Variants in HTRA3 observed in about 807,000 individuals in gnomAD.
The protein encoded by HTRA3 is serine protease HTRA3.
In HTRA3, 41 loss-of-function variants were observed where a neutral mutation model predicts 43.2. The observed-to-expected ratio is 0.95, with a 90% CI of 0.74 to 1.23. HTRA3 has a LOEUF of 1.23. Ranked by LOEUF, HTRA3 falls within the 50% of genes most tolerant of loss-of-function variation. HTRA3 has a pLI of 0.00. For synonymous variants in HTRA3, 295 were observed against 287.9 expected (o/e 1.02, Z -0.25); for missense variants, 628 against 647.1 (o/e 0.97, Z 0.32).
chr4:8,272,786 G>A (rs926979470), intron 1 of HTRA3, among the ~76,000 whole-genome samples: 10 of 152,320 alleles, frequency 6.6e-5, no homozygotes, highest in Admixed American at 3.3e-4. Context: ...GAGCCCTGTC[G>A]CCACCAGAGC....
At chr4:8,285,990 A>G (rs929324907) in intron 2 of HTRA3, among the ~76,000 whole-genome samples, 3 of 152,216 alleles carry the variant, frequency 2.0e-5, no homozygotes, top group African/African-American at 4.8e-5. Flanking sequence ...GCCTCTGGGG[A>G]GCCTCCCTTC....
At chr4:8,282,077 G>A (rs1192243305) in intron 1 of HTRA3, among the ~76,000 whole-genome samples, 1 of 152,198 alleles carries the variant, frequency 6.6e-6, no homozygotes, top group Non-Finnish European at 1.5e-5. Context: ...CAAGGCCCAG[G>A]GGGACTAACC....
In HTRA3 at chr4:8,295,308, C is replaced by T. The variant is rs888764236; in HGVS notation, c.1051+1107C>T. ...GCCAGGGGAGCAGAGTCCAATACCT[C>T]GTCTTTGGAAGTCACCCTCCTCCAA... On this transcript the variant is annotated intron_variant, in intron 6 of 8. Transcript: ENST00000307358. This position sits in a 1 kb window ranked among gnomAD's most constrained non-coding sequence, Gnocchi z 6.9. 9.2e-5 allele frequency among the ~76,000 whole-genome samples: 14 copies of T among 152,164 alleles called. No individual in the cohort carries two copies. The highest frequency in any genetic ancestry group is 1.2e-4 in the Non-Finnish European group (8 of 68,032).
intron 5 of HTRA3, among the ~76,000 whole-genome samples, chr4:8,293,651 G>C (rs1429381359): frequency 6.6e-6 from 1 of 152,052 alleles, no homozygotes; most frequent in Non-Finnish European, 1.5e-5. Flanking sequence ...GGGATGGGGG[G>C]GTCAAGGAGC....
rs567363929 is a variant in HTRA3 at position 8,275,293 on chromosome 4, C to A, written c.385+4940C>A. Among the ~76,000 whole-genome samples the A allele has an allele frequency of 2.6e-5, 4 of 152,354 alleles. No individual in the cohort carries two copies. The South Asian group carries it at 8.3e-4, about 32-fold the overall frequency. ...AGGCCTCTGCCCTCCCATGCAGCCC[C>A]ACACAGCAGCCTGAAGGGACTTGGC... is the stretch of plus-strand genomic sequence containing the variant. On this transcript the variant is annotated intron_variant, in intron 1 of 8. Transcript: ENST00000307358.
chr4:8,270,849 G>C (rs1712240633), intron 1 of HTRA3, among the ~76,000 whole-genome samples: 2 of 152,224 alleles, frequency 1.3e-5, no homozygotes, highest in Admixed American at 6.5e-5. Context: ...GGGCGCCCCA[G>C]GGAGAGGCTG....
chr4:8,281,855 C>T (rs1348683596), intron 1 of HTRA3, among the ~76,000 whole-genome samples: 2 of 152,214 alleles, frequency 1.3e-5, no homozygotes, highest in Non-Finnish European at 2.9e-5. Context: ...AGATGTAGGG[C>T]CCTGTGGACT....
At chr4:8,299,763 TG>T (rs1713574138) in intron 6 of HTRA3, among the ~76,000 whole-genome samples, 1 of 152,312 alleles carries the variant, frequency 6.6e-6, no homozygotes, top group African/African-American at 2.4e-5. Context: ...TAAATTGCAT[TG>T]GTTGATTTTT....
chr4:8,273,456 T>C lies in HTRA3; in HGVS notation c.385+3103T>C, dbSNP rs547746308. ...CTTGTGCTCTCCTCTCCCCTCCCCATGTCAGCTCCTCCGCCTTCTCCCACC... is the reference window on the plus strand; with the variant it reads ...CTTGTGCTCTCCTCTCCCCTCCCCACGTCAGCTCCTCCGCCTTCTCCCACC... On this transcript the variant is annotated intron_variant, in intron 1 of 8. Transcript: ENST00000307358. Among the ~76,000 whole-genome samples, 6 of 152,156 alleles carry C rather than the reference T, an allele frequency of 3.9e-5. No homozygotes were observed. The South Asian group carries it at 1.0e-3, about 26-fold the overall frequency.
Position 8,271,069 on chromosome 4 carries a change from C to T in HTRA3, c.385+716C>T, listed in dbSNP as rs528926991. On this transcript the variant is annotated intron_variant, in intron 1 of 8. Coordinates refer to ENST00000307358, the MANE Select transcript of HTRA3 (RefSeq NM_053044.5). ...GTTCACTGAAGACAGGCGACGGGCC[C>T]CAGGTTCATGGATAGGAGTCAGGGT... Among the ~76,000 whole-genome samples, 313 of 152,230 alleles carry T rather than the reference C, an allele frequency of 2.1e-3. 3 individuals carry two copies. Among genetic ancestry groups the T allele is most frequent in the African/African-American group, 7.3e-3 (302 of 41,522 alleles).
intron 2 of HTRA3, among the ~76,000 whole-genome samples, chr4:8,285,347 C>A (rs1041942577): frequency 6.6e-6 from 1 of 152,202 alleles, no homozygotes; most frequent in African/African-American, 2.4e-5. Flanking sequence ...AGAGGGAGCA[C>A]AGGGTGGCAT....
At chr4:8,271,436 C>T (rs922083367) in intron 1 of HTRA3, among the ~76,000 whole-genome samples, 1 of 152,132 alleles carries the variant, frequency 6.6e-6, no homozygotes, top group Non-Finnish European at 1.5e-5. Flanking sequence ...GAACACGTGA[C>T]CTCCTCCCAG....
rs183059655 is a variant in HTRA3 at position 8,276,826 on chromosome 4, C to T, written c.386-5611C>T. Among the ~76,000 whole-genome samples, 469 of 152,290 alleles carry T rather than the reference C, an allele frequency of 3.1e-3. 1 individual carries two copies. The highest frequency in any genetic ancestry group is 9.6e-3 in the African/African-American group (398 of 41,544). ...AAGGGCCAGCACGGAGCAGGGGAAG[C>T]GCCCAGGTCAGGGCTTGCGGGGCCT... On this transcript the variant is annotated intron_variant, in intron 1 of 8. Transcript: ENST00000307358.
intron 1 of HTRA3, among the ~76,000 whole-genome samples, chr4:8,278,935 G>C (rs189374871): frequency 6.6e-6 from 1 of 152,198 alleles, no homozygotes; most frequent in East Asian, 1.9e-4. Context: ...GGCTCAGAGA[G>C]CATCAAGAAG....
chr4:8,270,403 A>T (rs1435912547), intron 1 of HTRA3, 50 bp downstream of exon 1: 5 of 1,362,932 alleles, frequency 3.7e-6, no homozygotes. Context: ...CTCTTGGGGA[A>T]ACTAAGGCCG....
chr4:8,289,738 C>T (rs1378980323), intron 3 of HTRA3, among the ~76,000 whole-genome samples: 2 of 152,194 alleles, frequency 1.3e-5, no homozygotes, highest in African/African-American at 4.8e-5. Context: ...CCTGTGCCCC[C>T]TCCTTGGGTG....
rs192064551 is a variant in HTRA3 at position 8,302,447 on chromosome 4, C to G, written c.1052-16C>G. ...CACAGCAGCCCTAACGGAGTCTCGC[C>G]GTGTTTCATTTCCAGACTGGAAGAA... On this transcript the variant is annotated splice_polypyrimidine_tract_variant and intron_variant, in intron 6 of 8. Transcript: ENST00000307358. The G allele has an allele frequency of 2.5e-6, 4 of 1,613,722 alleles. No individual in the cohort carries two copies. In the South Asian group the frequency reaches 4.4e-5, roughly 18 times the overall value.
intron 6 of HTRA3, among the ~76,000 whole-genome samples, chr4:8,300,968 G>A (rs1421258104): frequency 3.5e-5 from 5 of 143,460 alleles, no homozygotes; most frequent in Non-Finnish European, 7.5e-5. Context: ...CTTTATTATT[G>A]AGTCACACTC....
At chr4:8,287,631 T>A (rs536866485) in intron 3 of HTRA3, among the ~76,000 whole-genome samples, 3 of 152,062 alleles carry the variant, frequency 2.0e-5, no homozygotes, top group Non-Finnish European at 4.4e-5. Flanking sequence ...GAGAACAGCA[T>A]GGGGGAAGTC....
Sources: allele counts gnomAD v4.1 joint callset (sites outside exome capture counted in the v4.1 genomes callset), GRCh38; gene constraint gnomAD v4.1.1; non-coding constraint Gnocchi (gnomAD v3.1); transcripts MANE v1.5; gene names NCBI Gene and HGNC (gene_info 2026-07-23, HGNC 2026-07-21).